CFAP61: variants seen among roughly 807,000 people sequenced by gnomAD.
The protein encoded by CFAP61 is cilia and flagella associated protein 61.
A neutral mutation model predicts 135.6 loss-of-function variants in CFAP61; 107 were observed. The observed-to-expected ratio is 0.79, with a 90% CI of 0.67 to 0.93. The LOEUF (loss-of-function observed/expected upper bound fraction) is 0.93. Ranked by LOEUF, CFAP61 falls within the 40% of genes least tolerant of loss-of-function variation. CFAP61 has a pLI of 0.00. For synonymous variants in CFAP61, 575 were observed against 578.5 expected, an observed-to-expected ratio of 0.99 and a Z score of 0.09; for missense variants, 1,507 against 1,556.2, an observed-to-expected ratio of 0.97 and a Z score of 0.53.
intron 17 of CFAP61, among the ~76,000 whole-genome samples, chr20:20,213,041 C>G (rs906733001): frequency 6.6e-6 from 1 of 152,108 alleles, no homozygotes; most frequent in South Asian, 2.1e-4. Flanking sequence ...CTCCTCTGAT[C>G]AGGATCATTT....
chr20:20,312,601 GAA>G, intron 25 of CFAP61, among the ~76,000 whole-genome samples: 1 of 151,990 alleles, frequency 6.6e-6, no homozygotes, highest in Admixed American at 6.5e-5. Context: ...GAAGCTCAGT[GAA>G]TCTCAAGCAT....
intron 12 of CFAP61, among the ~76,000 whole-genome samples, 156 bp downstream of exon 12, chr20:20,166,592 T>C (rs1030879298): frequency 2.0e-5 from 3 of 152,234 alleles, no homozygotes; most frequent in African/African-American, 7.2e-5. Flanking sequence ...ATACAAAATA[T>C]TGTCATTTTC....
chr20:20,229,359 T>A (rs1963605525), intron 18 of CFAP61, among the ~76,000 whole-genome samples: 1 of 152,214 alleles, frequency 6.6e-6, no homozygotes, highest in Non-Finnish European at 1.5e-5. Flanking sequence ...GTTTCATAGA[T>A]GTTTTAAAAC....
rs181665970 is a variant in CFAP61, at chr20:20,263,963, T to C, written c.2503+833T>C. Among the ~76,000 whole-genome samples the C allele has an allele frequency of 1.1e-4, 16 of 152,316 alleles. No individual in the cohort carries two copies. In the East Asian group the frequency reaches 2.9e-3, roughly 28 times the overall value. ...GTGTAAAATTAAACATGCTAATTTA[T>C]TTAATACATGTATATAAATATAATC... is the stretch of plus-strand genomic sequence containing the variant. On this transcript the variant is annotated intron_variant, in intron 21 of 26. Coordinates refer to ENST00000245957, the MANE Select transcript of CFAP61 (RefSeq NM_015585.4).
At chr20:20,112,077 A>G (rs1445531193) in intron 8 of CFAP61, among the ~76,000 whole-genome samples, 1 of 152,228 alleles carries the variant, frequency 6.6e-6, no homozygotes, top group Non-Finnish European at 1.5e-5. Context: ...ACTTCAGAAT[A>G]AAACAATAAC....
At chr20:20,123,184 G>A (rs2049805161) in intron 8 of CFAP61, among the ~76,000 whole-genome samples, 1 of 151,502 alleles carries the variant, frequency 6.6e-6, no homozygotes, top group South Asian at 2.1e-4. Flanking sequence ...TTTGTCAGAT[G>A]TACAGATTGT....
At chr20:20,157,832 A>G (rs6035568) in intron 9 of CFAP61, among the ~76,000 whole-genome samples, 27,077 of 152,242 alleles carry the variant, frequency 0.18, 2,557 homozygotes, top group East Asian at 0.2. Flanking sequence ...ATGAAAAGAC[A>G]AGCTACAGAC....
intron 17 of CFAP61, among the ~76,000 whole-genome samples, chr20:20,213,350 A>C (rs1023958845): frequency 1.3e-5 from 2 of 152,218 alleles, no homozygotes; most frequent in African/African-American, 4.8e-5. Context: ...AAGTATAACC[A>C]GTGCTACATG....
intron 18 of CFAP61, among the ~76,000 whole-genome samples, chr20:20,241,660 C>T (rs1175663288): frequency 6.6e-6 from 1 of 152,074 alleles, no homozygotes; most frequent in African/African-American, 2.4e-5. Flanking sequence ...AATTATTAAG[C>T]CTTCTACTTA....
At chr20:20,056,868 A>C in intron 2 of CFAP61, 72 bp downstream of exon 2, 30 of 1,423,316 alleles carry the variant, frequency 2.1e-5, no homozygotes, top group Non-Finnish European at 2.5e-5. Flanking sequence ...CTGTAATCTC[A>C]GCACTTTGAG....
intron 24 of CFAP61, 77 bp from the exon 25 acceptor site, chr20:20,298,104 A>C (rs1405064780): frequency 1.0e-6 from 1 of 957,086 alleles, no homozygotes; most frequent in African/African-American, 1.6e-5. Context: ...TATTTGAAAA[A>C]TAAATTGCTA....
rs369861279 is a variant in CFAP61, at chr20:20,263,069, C to T, written c.2442C>T (p.Asn814=). Residue 814 remains asparagine (N), a synonymous_variant, in exon 21 of 27, where the codon AAC becomes AAT. Transcript: ENST00000245957. ...TTCCTTGCAACCATTTCACTCTCAACGAGGAAGAGGATTGCTTTAAGGCAC... is the reference window on the plus strand; with the variant it reads ...TTCCTTGCAACCATTTCACTCTCAATGAGGAAGAGGATTGCTTTAAGGCAC... ...GKVPCNHFTL[N]EEEDCFKALI... 5.9e-5 allele frequency: 96 copies of T among 1,613,810 alleles called. No individual in the cohort carries two copies. The highest frequency in any genetic ancestry group is 6.5e-5 in the Non-Finnish European group (77 of 1,179,902).
At chr20:20,056,479 T>C in intron 1 of CFAP61, 139 bp from the exon 2 acceptor site, 1 of 621,952 alleles carries the variant, frequency 1.6e-6, no homozygotes, top group Non-Finnish European at 2.8e-6. Flanking sequence ...GCAGTGACAG[T>C]TGTCACAGAC....
intron 13 of CFAP61, among the ~76,000 whole-genome samples, chr20:20,186,457 A>G (rs115143782): frequency 5.8e-4 from 88 of 152,292 alleles, no homozygotes; most frequent in African/African-American, 1.9e-3. Context: ...TTCTTGGGCT[A>G]TTGTGAATAA....
At chr20:20,282,918 G>A (rs1460646588) in intron 22 of CFAP61, among the ~76,000 whole-genome samples, 12 of 145,250 alleles carry the variant, frequency 8.3e-5, no homozygotes, top group East Asian at 6.0e-4. Flanking sequence ...TAGCCTGGGC[G>A]ACAGAGCAAG....
chr20:20,274,986 C>T (rs560162115), intron 21 of CFAP61, among the ~76,000 whole-genome samples: 11 of 151,830 alleles, frequency 7.2e-5, no homozygotes, highest in African/African-American at 2.7e-4. Flanking sequence ...CCTTCTCTCC[C>T]TCCTGTGTGG....
At chr20:20,156,007 A>G (rs566928085) in intron 9 of CFAP61, among the ~76,000 whole-genome samples, 3 of 152,314 alleles carry the variant, frequency 2.0e-5, no homozygotes, top group Non-Finnish European at 4.4e-5. Context: ...TTGCAAAAAT[A>G]TGGAACCAGA....
chr20:20,106,844 G>A (rs761471920), intron 8 of CFAP61, among the ~76,000 whole-genome samples: 2 of 152,088 alleles, frequency 1.3e-5, no homozygotes, highest in Admixed American at 6.6e-5. Context: ...AGATAATAAC[G>A]AAAGATTATG....
In CFAP61 at chr20:20,169,358, C is replaced by A; in HGVS notation, c.1283C>A (p.Thr428Asn). The A allele has an allele frequency of 6.2e-7, 1 of 1,613,788 alleles. No homozygotes were observed. Among genetic ancestry groups the A allele is most frequent in the Non-Finnish European group, 8.5e-7 (1 of 1,179,860 alleles). Residue 428 changes from threonine to asparagine, a missense_variant, in exon 13 of 27, where the codon ACC becomes AAC. Physicochemically the swap from Thr to Asn is moderately conservative, Grantham distance 65 (BLOSUM62 0). Coordinates refer to ENST00000245957, the MANE Select transcript of CFAP61 (RefSeq NM_015585.4). ...NFCVISLPHL[T>N]PEFFLIQNFV... ...TGTGTAATTTCTCTGCCCCATCTCA[C>A]CCCCGAGTTCTTCCTCATCCAGAAC...
Sources: allele counts gnomAD v4.1 joint callset (sites outside exome capture counted in the v4.1 genomes callset), GRCh38; gene constraint gnomAD v4.1.1; transcripts MANE v1.5; gene names NCBI Gene and HGNC (gene_info 2026-07-23, HGNC 2026-07-21).